The following GPR15LG variants were observed in gnomAD, a reference collection of about 807,000 sequenced individuals.
GPR15LG encodes the protein G protein-coupled receptor 15 ligand.
chr10:84,173,803 T>C, the GPR15LG span: 2 of 1,363,880 alleles, frequency 1.5e-6, no homozygotes, highest in Non-Finnish European at 2.1e-6. Flanking sequence ...AAGGGAGGAC[T>C]TCTGCAGCAC....
At chr10:84,180,854 G>A in the GPR15LG span, among the ~76,000 whole-genome samples, 130 of 152,372 alleles carry the variant, frequency 8.5e-4, no homozygotes, top group East Asian at 0.011. Context: ...GGAGGCCGAG[G>A]CTGGCAGATC....
At chr10:84,180,959 G>A in the GPR15LG span, among the ~76,000 whole-genome samples, 11 of 152,362 alleles carry the variant, frequency 7.2e-5, no homozygotes, top group East Asian at 5.8e-4. Context: ...GGCAGCACGC[G>A]CCTGCAATCC....
chr10:84,176,209 G>C, the GPR15LG span, among the ~76,000 whole-genome samples: 1 of 152,212 alleles, frequency 6.6e-6, no homozygotes, highest in Admixed American at 6.5e-5. Context: ...TCTTAGGCTA[G>C]ATTGCCAAGG....
the GPR15LG span, chr10:84,184,611 C>G: frequency 6.8e-7 from 1 of 1,479,838 alleles, no homozygotes; most frequent in Non-Finnish European, 9.4e-7. Flanking sequence ...CCTCTCTCTC[C>G]CCACAACCTG....
chr10:84,179,957 A>G, the GPR15LG span, among the ~76,000 whole-genome samples: 7 of 150,756 alleles, frequency 4.6e-5, no homozygotes, highest in African/African-American at 7.4e-5. Context: ...ATAGGACAAT[A>G]GTGGAGGGAA....
the GPR15LG span, among the ~76,000 whole-genome samples, chr10:84,174,122 A>G: frequency 3.7e-4 from 56 of 152,308 alleles, no homozygotes; most frequent in Middle Eastern, 0.01. Flanking sequence ...TTCCATTCAC[A>G]GCCCCTGCAC....
chr10:84,178,701 C>T, the GPR15LG span, among the ~76,000 whole-genome samples: 4 of 152,206 alleles, frequency 2.6e-5, no homozygotes, highest in African/African-American at 7.2e-5. Flanking sequence ...TGTTAACTCC[C>T]GTGCAAGTAC....
chr10:84,183,903 C>A, the GPR15LG span, among the ~76,000 whole-genome samples: 1 of 152,256 alleles, frequency 6.6e-6, no homozygotes, highest in South Asian at 2.1e-4. Flanking sequence ...GTTTTAGCCT[C>A]CCAAACCGCT....
the GPR15LG span, chr10:84,184,535 A>G: frequency 7.3e-4 from 609 of 836,420 alleles, no homozygotes; most frequent in Non-Finnish European, 1.1e-3. Context: ...GGAAAAGCAT[A>G]AGATCTAATT....
chr10:84,181,569 G>A, the GPR15LG span, among the ~76,000 whole-genome samples: 368 of 152,206 alleles, frequency 2.4e-3, 3 homozygotes, highest in Non-Finnish European at 1.1e-3. Flanking sequence ...CTACAGATGC[G>A]TGCCATCACA....
At chr10:84,175,813 C>T in the GPR15LG span, among the ~76,000 whole-genome samples, 5 of 151,720 alleles carry the variant, frequency 3.3e-5, no homozygotes, top group Admixed American at 6.6e-5. Context: ...GCCTACTTTG[C>T]ACATTTTAAT....
At chr10:84,174,494 C>T in the GPR15LG span, among the ~76,000 whole-genome samples, 34,910 of 98,518 alleles carry the variant, frequency 0.35, 6,377 homozygotes, top group East Asian at 0.85. Flanking sequence ...TTTCTTTTTT[C>T]TTTTTTTTTT....
the GPR15LG span, among the ~76,000 whole-genome samples, chr10:84,175,920 C>T: frequency 4.0e-5 from 6 of 151,282 alleles, no homozygotes; most frequent in Non-Finnish European, 8.8e-5. Context: ...GAAGTTTTTG[C>T]TCTTGTTGTC....
the GPR15LG span, among the ~76,000 whole-genome samples, chr10:84,183,885 A>T: frequency 6.6e-6 from 1 of 152,208 alleles, no homozygotes; most frequent in Admixed American, 6.5e-5. Context: ...GGCTTAAGTG[A>T]TCCACCAGTT....
At chr10:84,176,228 A>G in the GPR15LG span, among the ~76,000 whole-genome samples, 1 of 152,204 alleles carries the variant, frequency 6.6e-6, no homozygotes, top group Non-Finnish European at 1.5e-5. Flanking sequence ...GGGGAGAATT[A>G]TTATGTCAAA....
At chr10:84,175,910 G>A in the GPR15LG span, among the ~76,000 whole-genome samples, 4 of 150,764 alleles carry the variant, frequency 2.7e-5, no homozygotes, top group South Asian at 6.3e-4. Context: ...TTTTTGAGAC[G>A]AAGTTTTTGC....
the GPR15LG span, among the ~76,000 whole-genome samples, chr10:84,182,614 G>A: frequency 4.6e-5 from 7 of 152,314 alleles, no homozygotes; most frequent in East Asian, 9.6e-4. Context: ...TTCCACTTAT[G>A]TAAATGGAAA....
At chr10:84,180,206 T>C in the GPR15LG span, among the ~76,000 whole-genome samples, 1 of 152,274 alleles carries the variant, frequency 6.6e-6, no homozygotes, top group African/African-American at 2.4e-5. Flanking sequence ...GGTAAGGTTA[T>C]AGATTAACAG....
the GPR15LG span, chr10:84,176,343 C>T: frequency 1.1e-4 from 77 of 712,042 alleles, no homozygotes; most frequent in South Asian, 9.5e-4. Context: ...CCCACTCTTT[C>T]CCTAGGACCT....
Sources: allele counts gnomAD v4.1 joint callset (sites outside exome capture counted in the v4.1 genomes callset), GRCh38; gene constraint gnomAD v4.1.1; transcripts MANE v1.5; gene names NCBI Gene and HGNC (gene_info 2026-07-23, HGNC 2026-07-21).